The following SLC16A12 variants were observed in gnomAD, a reference collection of about 807,000 sequenced individuals.
SLC16A12 encodes the protein monocarboxylate transporter 12.
In SLC16A12, 17 loss-of-function variants were observed where a neutral mutation model predicts 42.4. That is an observed-to-expected ratio of 0.40 (90% CI 0.27 to 0.60). The LOEUF is 0.60. Among genes scored for constraint, SLC16A12 ranks in the 20% least tolerant of loss-of-function variants. The probability of loss-of-function intolerance (pLI) is 0.42; values close to 1 mark genes in which losing one functional copy is unlikely to be tolerated. For synonymous variants in SLC16A12, 224 were observed against 229.4 expected (o/e 0.98, Z 0.21); for missense variants, 544 against 623.0 (o/e 0.87, Z 1.35).
rs1319151692 is a variant in SLC16A12, at chr10:89,431,093, G to A, written c.*1971C>T. ...GCTCACTGCAACCTCCACCTCCTGGGTTCAAGCGATTGTCCGGCCTCAGCC... is the reference window on the plus strand; with the variant it reads ...GCTCACTGCAACCTCCACCTCCTGGATTCAAGCGATTGTCCGGCCTCAGCC... On this transcript the variant is annotated 3_prime_UTR_variant, in exon 8 of 8. Coordinates refer to ENST00000371790, the MANE Select transcript of SLC16A12 (RefSeq NM_213606.4). The A allele has an allele frequency of 4.9e-6, 1 of 202,300 alleles. No homozygotes were observed. Among genetic ancestry groups the A allele is most frequent in the Non-Finnish European group, 9.9e-6 (1 of 101,102 alleles). 12.5% of individuals were successfully genotyped at this position (202,300 alleles called of 1,614,324 possible).
At chr10:89,475,763 C>G (rs1842568193) in intron 2 of SLC16A12, among the ~76,000 whole-genome samples, 1 of 152,118 alleles carries the variant, frequency 6.6e-6, no homozygotes, top group South Asian at 2.1e-4. Flanking sequence ...GCTTTGAGGA[C>G]AGGAACACTT....
At chr10:89,532,074 AAC>A (rs1455090912) in intron 2 of SLC16A12, among the ~76,000 whole-genome samples, 1 of 152,224 alleles carries the variant, frequency 6.6e-6, no homozygotes, top group Non-Finnish European at 1.5e-5. Flanking sequence ...AGATGCTCAA[AAC>A]ACAGTCTTCA....
rs7902603 is a variant in SLC16A12, at chr10:89,551,314, A to C, written c.-47+4568T>G. Among the ~76,000 whole-genome samples the C allele has an allele frequency of 2.2e-4, 33 of 151,758 alleles. 1 individual carries two copies. Among genetic ancestry groups the C allele is most frequent in the African/African-American group, 8.0e-4 (33 of 41,288 alleles). On this transcript the variant is annotated intron_variant, in intron 2 of 2. Transcript: ENST00000475682. ...AAAAATTAGCTAGGTAGGATGGTGC[A>C]TGTTTGTAGTCCCAGCTACTTGGGA... is the stretch of plus-strand genomic sequence containing the variant.
chr10:89,509,580 G>A (rs2133835812), intron 2 of SLC16A12, among the ~76,000 whole-genome samples: 1 of 152,274 alleles, frequency 6.6e-6, no homozygotes, highest in Non-Finnish European at 1.5e-5. Flanking sequence ...AGGTATTGAT[G>A]AAACATATCT....
chr10:89,464,053 C>G (rs1589681070), intron 2 of SLC16A12, among the ~76,000 whole-genome samples: 1 of 152,222 alleles, frequency 6.6e-6, no homozygotes, highest in Admixed American at 6.5e-5. Flanking sequence ...CTCTCACTCT[C>G]CCACTGTCCT....
At chr10:89,448,196 A>G (rs1842034866) in intron 3 of SLC16A12, among the ~76,000 whole-genome samples, 1 of 152,342 alleles carries the variant, frequency 6.6e-6, no homozygotes, top group East Asian at 1.9e-4. Context: ...AGGAGCTGGT[A>G]CCATTCCTTC....
intron 2 of SLC16A12, among the ~76,000 whole-genome samples, chr10:89,483,413 G>A (rs1216897113): frequency 6.6e-6 from 1 of 152,180 alleles, no homozygotes; most frequent in African/African-American, 2.4e-5. Flanking sequence ...GCCAGGGCCA[G>A]TAACAGCATC....
At chr10:89,501,074 A>G (rs1842986286) in intron 2 of SLC16A12, among the ~76,000 whole-genome samples, 1 of 152,198 alleles carries the variant, frequency 6.6e-6, no homozygotes, top group Non-Finnish European at 1.5e-5. Flanking sequence ...AAAAAAACAA[A>G]ACCTTAGGAA....
chr10:89,456,042 G>A (rs968707444), intron 3 of SLC16A12: 16 of 152,186 alleles, frequency 1.1e-4, no homozygotes, highest in African/African-American at 3.9e-4. Flanking sequence ...CCACTCTGCT[G>A]TAAAATTTTT....
At chr10:89,464,949 A>C (rs1842367822) in intron 2 of SLC16A12, among the ~76,000 whole-genome samples, 1 of 152,226 alleles carries the variant, frequency 6.6e-6, no homozygotes. Context: ...TGGGAGACCA[A>C]TACTGGCATA....
At chr10:89,518,216 A>G (rs927963457) in intron 2 of SLC16A12, among the ~76,000 whole-genome samples, 6 of 152,176 alleles carry the variant, frequency 3.9e-5, no homozygotes, top group African/African-American at 1.4e-4. Context: ...AAGTCAGAAC[A>G]GTGCAGGCAG....
intron 2 of SLC16A12, among the ~76,000 whole-genome samples, chr10:89,553,701 C>G (rs1843784905): frequency 1.3e-5 from 2 of 152,082 alleles, no homozygotes; most frequent in South Asian, 2.1e-4. Flanking sequence ...TTGGCCCTCA[C>G]AGCACTTTGA....
At chr10:89,443,644 T>G (rs1175819659) in intron 4 of SLC16A12, 112 bp downstream of exon 4, 1 of 815,004 alleles carries the variant, frequency 1.2e-6, no homozygotes, top group African/African-American at 1.7e-5. Flanking sequence ...TAGCCAGTTT[T>G]TAATGTAGCC....
intron 2 of SLC16A12, among the ~76,000 whole-genome samples, chr10:89,509,926 AAGCATTC>A (rs1843136854): frequency 6.6e-6 from 1 of 152,238 alleles, no homozygotes; most frequent in African/African-American, 2.4e-5. Context: ...CAAAAATCAC[AAGCATTC>A]CTATACACCG....
chr10:89,554,939 G>A (rs548052764), intron 2 of SLC16A12, among the ~76,000 whole-genome samples: 1 of 152,068 alleles, frequency 6.6e-6, no homozygotes, highest in Non-Finnish European at 1.5e-5. Context: ...GGCTCCGCAA[G>A]CAGGTATTTT....
intron 2 of SLC16A12, among the ~76,000 whole-genome samples, chr10:89,541,791 C>A (rs1258918356): frequency 6.6e-6 from 1 of 152,238 alleles, no homozygotes; most frequent in Non-Finnish European, 1.5e-5. Flanking sequence ...CTAGTTGTGA[C>A]AATCAAAATT....
At chr10:89,514,860 G>T (rs1387627008) in intron 2 of SLC16A12, among the ~76,000 whole-genome samples, 2 of 152,198 alleles carry the variant, frequency 1.3e-5, no homozygotes, top group Non-Finnish European at 2.9e-5. Context: ...GGAGGCCAAG[G>T]CAGGGGGATC....
intron 3 of SLC16A12, among the ~76,000 whole-genome samples, chr10:89,454,351 AC>A (rs1383267219): frequency 1.1e-4 from 16 of 151,948 alleles, no homozygotes; most frequent in African/African-American, 3.9e-4. Context: ...TAACCCCCTT[AC>A]CATTCATCAT....
chr10:89,440,065 C>A (rs1337671455), intron 5 of SLC16A12, among the ~76,000 whole-genome samples: 2 of 111,516 alleles, frequency 1.8e-5, no homozygotes, highest in Admixed American at 9.9e-5. Flanking sequence ...GCCAGATAGA[C>A]CCTGTCTCAA....
Sources: gnomAD v4.1 joint callset for allele counts (sites outside exome capture counted in the v4.1 genomes callset) on GRCh38, gnomAD v4.1.1 for gene constraint, MANE v1.5 for transcripts, NCBI Gene and HGNC (gene_info 2026-07-23, HGNC 2026-07-21) for gene names.